The following CACNA1E variants were observed in gnomAD, a reference collection of about 807,000 sequenced individuals.
CACNA1E encodes the protein calcium voltage-gated channel subunit alpha1 E.
In CACNA1E, 40 loss-of-function variants were observed where a neutral mutation model predicts 259.2. That is an observed-to-expected ratio of 0.15 (90% CI 0.12 to 0.20). The LOEUF is 0.20. Among genes scored for constraint, CACNA1E ranks in the 10% least tolerant of loss-of-function variants. The pLI is 1.00. For synonymous variants in CACNA1E, 1,104 were observed against 1,138.5 expected, an observed-to-expected ratio of 0.97 and a Z score of 0.61; for missense variants, 1,874 against 3,040.1, an observed-to-expected ratio of 0.62 and a Z score of 9.02.
chr1:181,753,738 C>A (rs1028805336), intron 27 of CACNA1E, among the ~76,000 whole-genome samples: 1 of 152,174 alleles, frequency 6.6e-6, no homozygotes, highest in Non-Finnish European at 1.5e-5. Context: ...CCACGCCTAC[C>A]CCAGACCTCC....
intron 1 of CACNA1E, among the ~76,000 whole-genome samples, chr1:181,344,335 C>T (rs964501661): frequency 1.3e-5 from 2 of 152,210 alleles, no homozygotes; most frequent in Non-Finnish European, 2.9e-5. Context: ...TCTTTCTCTC[C>T]ACCCAAAACA....
chr1:181,699,913 A>G (rs1015408291), intron 7 of CACNA1E, among the ~76,000 whole-genome samples: 3 of 152,170 alleles, frequency 2.0e-5, no homozygotes, highest in South Asian at 2.1e-4. Context: ...GTTACATCCG[A>G]GATGCCTATT....
intron 1 of CACNA1E, among the ~76,000 whole-genome samples, chr1:181,396,008 C>G (rs772120435): frequency 1.2e-4 from 19 of 152,198 alleles, no homozygotes; most frequent in Non-Finnish European, 2.2e-4. Flanking sequence ...CTCATGATCT[C>G]TTGCGGGTTG....
intron 1 of CACNA1E, among the ~76,000 whole-genome samples, chr1:181,373,218 C>G (rs970813089): frequency 2.0e-5 from 3 of 152,022 alleles, no homozygotes; most frequent in African/African-American, 7.3e-5. Context: ...GGTACCAGCT[C>G]CTTCATTGTA....
chr1:181,592,555 C>T (rs1396318407), intron 6 of CACNA1E, among the ~76,000 whole-genome samples: 1 of 151,706 alleles, frequency 6.6e-6, no homozygotes, highest in Admixed American at 6.6e-5. Context: ...TCAGTGTTTA[C>T]AGAGGGTTTG....
At chr1:181,446,967 T>G (rs1660829619) in intron 2 of CACNA1E, among the ~76,000 whole-genome samples, 1 of 152,178 alleles carries the variant, frequency 6.6e-6, no homozygotes, top group East Asian at 1.9e-4. Context: ...CCGAAGAATC[T>G]GGGCCATTGT....
At chr1:181,549,027 C>T (rs1048228341) in intron 3 of CACNA1E, among the ~76,000 whole-genome samples, 7 of 152,218 alleles carry the variant, frequency 4.6e-5, no homozygotes, top group East Asian at 1.9e-4. Context: ...AAAAGCCAGC[C>T]GGAAAGGGGA....
chr1:181,739,072 C>T lies in CACNA1E; in HGVS notation c.3613-75C>T, dbSNP rs1345517014. ...GAGACAGTGGCAGTGGGGGCACTGC[C>T]ATGATGAACAGAGCTCAGGTCAAGT... On this transcript the variant is annotated intron_variant, in intron 24 of 47. Transcript: ENST00000367573. 4.5e-6 allele frequency: 4 copies of T among 881,882 alleles called. No homozygotes were observed. In the East Asian group the frequency reaches 9.6e-5, roughly 21 times the overall value. 54.6% of individuals were successfully genotyped at this position (881,882 alleles called of 1,614,324 possible).
At position 181,485,087 on chromosome 1, in the gene CACNA1E, G is replaced by T. The variant is rs561685177; in HGVS notation, c.266+1077G>T. On this transcript the variant is annotated intron_variant, in intron 1 of 47. Transcript: ENST00000367573. This position sits in a 1 kb window ranked among gnomAD's most constrained non-coding sequence, Gnocchi z 4.2. Reference sequence around the variant, plus strand: ...AGGCAGTGAAGGGGATTAGTAGGAGGCAAGCTAGTGGTCTGGCGTTAAATA... The same window carrying T: ...AGGCAGTGAAGGGGATTAGTAGGAGTCAAGCTAGTGGTCTGGCGTTAAATA... Among the ~76,000 whole-genome samples the T allele has an allele frequency of 8.5e-5, 13 of 152,366 alleles. No individual in the cohort carries two copies. The highest frequency in any genetic ancestry group is 3.1e-4 in the African/African-American group (13 of 41,584).
chr1:181,446,503 G>C (rs903183244), intron 2 of CACNA1E, among the ~76,000 whole-genome samples: 5 of 152,190 alleles, frequency 3.3e-5, no homozygotes, highest in Non-Finnish European at 7.3e-5. Context: ...TCTTGTTCCT[G>C]GTGTTGGGGT....
intron 1 of CACNA1E, among the ~76,000 whole-genome samples, chr1:181,508,524 A>AG (rs1665909125): frequency 6.6e-6 from 1 of 152,184 alleles, no homozygotes; most frequent in Non-Finnish European, 1.5e-5. Context: ...TGCCAGGCCC[A>AG]GGGCAACCTA....
At position 181,758,714 on chromosome 1, in the gene CACNA1E, C is replaced by A; in HGVS notation, c.4495-44C>A. On this transcript the variant is annotated intron_variant, in intron 31 of 47. Transcript: ENST00000367573. This position sits in a 1 kb window ranked among gnomAD's most constrained non-coding sequence, Gnocchi z 4.2. The stretch of plus-strand genomic sequence containing the variant: ...CAGTGACATGTATTCCCCCTCTTAC[C>A]TTAAGGCTGTGATTCTTTCTCTCTT... 1 of 1,146,832 alleles carries A rather than the reference C, an allele frequency of 8.7e-7. No individual in the cohort carries two copies. The highest frequency in any genetic ancestry group is 1.3e-5 in the South Asian group (1 of 77,598). The allele number at this position is 1,146,832 out of a possible 1,614,324, so 71.0% of individuals were successfully genotyped here. A position where few individuals can be genotyped will look rare whatever the true frequency, so the allele number is the denominator to read the frequency against.
At chr1:181,432,371 A>C (rs181796416) in intron 2 of CACNA1E, among the ~76,000 whole-genome samples, 2 of 152,180 alleles carry the variant, frequency 1.3e-5, no homozygotes, top group African/African-American at 4.8e-5. Flanking sequence ...GTTAATAAAA[A>C]AATTTTTTAA....
At chr1:181,676,777 G>A (rs1268351867) in intron 7 of CACNA1E, among the ~76,000 whole-genome samples, 3 of 152,126 alleles carry the variant, frequency 2.0e-5, no homozygotes. Flanking sequence ...CTGTGTATCA[G>A]CAAAGATTAA....
chr1:181,719,306 C>T (rs1654217953), intron 12 of CACNA1E, among the ~76,000 whole-genome samples: 2 of 152,332 alleles, frequency 1.3e-5, no homozygotes, highest in Non-Finnish European at 2.9e-5. Context: ...GATGCAAGAC[C>T]TCCATGACTG....
intron 6 of CACNA1E, among the ~76,000 whole-genome samples, chr1:181,632,001 A>T (rs905291776): frequency 6.6e-6 from 1 of 152,190 alleles, no homozygotes; most frequent in African/African-American, 2.4e-5. Flanking sequence ...AGTGCAGGAG[A>T]TGGTATCAAC....
chr1:181,343,988 C>T (rs1652393889), intron 1 of CACNA1E, among the ~76,000 whole-genome samples: 1 of 152,202 alleles, frequency 6.6e-6, no homozygotes, highest in African/African-American at 2.4e-5. Flanking sequence ...CTTGCTCACC[C>T]TTCAATCAGC....
chr1:181,549,898 C>T lies in CACNA1E; in HGVS notation c.513-27868C>T, dbSNP rs76376015. Among the ~76,000 whole-genome samples the T allele has an allele frequency of 3.4e-3, 513 of 152,218 alleles. 1 individual carries two copies. The highest frequency in any genetic ancestry group is 4.7e-3 in the Non-Finnish European group (319 of 68,004). On this transcript the variant is annotated intron_variant, in intron 3 of 47. Transcript: ENST00000367573. ...GCAGGAGCTCTAGGTCTGTGTACTG[C>T]GGTGACACTTCTGGATTCTACTGTG...
intron 1 of CACNA1E, among the ~76,000 whole-genome samples, chr1:181,346,051 G>A (rs1273520790): frequency 1.3e-5 from 2 of 152,224 alleles, no homozygotes; most frequent in Non-Finnish European, 2.9e-5. Flanking sequence ...CGCTCTGGCA[G>A]GATGTGGAAT....
Sources: allele counts gnomAD v4.1 joint callset (sites outside exome capture counted in the v4.1 genomes callset), GRCh38; gene constraint gnomAD v4.1.1; non-coding constraint Gnocchi (gnomAD v3.1); transcripts MANE v1.5; gene names NCBI Gene and HGNC (gene_info 2026-07-23, HGNC 2026-07-21).